The following SRR variants were observed in gnomAD, a reference collection of about 807,000 sequenced individuals.
SRR encodes D-serine ammonia-lyase.
A neutral mutation model predicts 32.7 loss-of-function variants in SRR; 19 were observed. That is an observed-to-expected ratio of 0.58 (90% confidence interval 0.40 to 0.85). SRR has a LOEUF of 0.85. SRR is among the 40% of genes least tolerant of loss of function. The pLI is 0.00. For missense variants in SRR, 373 were observed against 404.7 expected (o/e 0.92, Z 0.67); for synonymous variants, 142 against 140.9 (o/e 1.01, Z -0.06).
chr17:2,315,190 G>A (rs1597263110), intron 1 of SRR, among the ~76,000 whole-genome samples: 2 of 150,076 alleles, frequency 1.3e-5, no homozygotes, highest in Admixed American at 6.6e-5. Context: ...GCAGTGAGCC[G>A]AGATTGTGCC....
chr17:2,323,164 C>T lies in SRR; in HGVS notation c.623C>T (p.Ala208Val), dbSNP rs765422725. 2 of 1,614,204 alleles carry T rather than the reference C, an allele frequency of 1.2e-6. No individual in the cohort carries two copies. The highest frequency in any genetic ancestry group is 1.6e-4 in the Middle Eastern group (1 of 6,062). ...CTGAAACCTAGTGTGAAGGTATATG[C>T]TGCTGAACCCTCAAATGCAGATGAC... Reference protein sequence around the residue: ...KALKPSVKVYAAEPSNADDCY... With the variant: ...KALKPSVKVYVAEPSNADDCY... Residue 208 changes from alanine (A) to valine (V), a missense_variant, in exon 7 of 8, where the codon GCT (alanine) becomes GTT (valine). Coordinates refer to ENST00000344595, the MANE Select transcript of SRR (RefSeq NM_021947.3).
At chr17:2,322,808 G>A (rs545507812) in intron 6 of SRR, 30 of 316,470 alleles carry the variant, frequency 9.5e-5, no homozygotes, top group Admixed American at 4.0e-4. Context: ...GAGCCACTGC[G>A]CCCCACCCCA....
intron 1 of SRR, chr17:2,307,433 A>G (rs1285269312): frequency 6.5e-5 from 86 of 1,331,362 alleles, no homozygotes; most frequent in Middle Eastern, 2.6e-4. Flanking sequence ...TTCAGTGGTC[A>G]TGGTGGCTTT....
upstream of SRR, chr17:2,303,795 G>A (rs999913995): frequency 7.9e-6 from 10 of 1,273,764 alleles, no homozygotes; most frequent in Non-Finnish European, 1.1e-5. Context: ...CAGACGGGCG[G>A]CGCGCGCGCT....
Position 2,315,543 on chromosome 17 carries a change from T to C in SRR, c.-4-14T>C. 2 of 1,601,546 alleles carry C rather than the reference T, an allele frequency of 1.2e-6. No homozygotes were observed. The highest frequency in any genetic ancestry group is 1.7e-6 in the Non-Finnish European group (2 of 1,175,096). ...AGACTTTGCTTTGACCCCTTTCTTA[T>C]TCCTGGGTTTCAGAACCATGTGTGC... On this transcript the variant is annotated splice_polypyrimidine_tract_variant and intron_variant, in intron 1 of 7. Coordinates refer to ENST00000344595, the MANE Select transcript of SRR (RefSeq NM_021947.3).
intron 6 of SRR, 181 bp from the exon 7 acceptor site, chr17:2,322,955 G>GC: frequency 1.7e-6 from 1 of 591,048 alleles, no homozygotes; most frequent in South Asian, 2.0e-5. Flanking sequence ...AGTTGACACT[G>GC]CATTTCACCA....
chr17:2,309,689 C>T (rs2075420012), intron 1 of SRR: 1 of 152,522 alleles, frequency 6.6e-6, no homozygotes, highest in South Asian at 2.1e-4. Context: ...TTTAAATGTA[C>T]CTAATTGATA....
chr17:2,318,110 T>A, intron 3 of SRR, 114 bp downstream of exon 3: 1 of 1,229,740 alleles, frequency 8.1e-7, no homozygotes, highest in Non-Finnish European at 1.1e-6. Flanking sequence ...GAAATCTCTA[T>A]CTGATTGCAA....
At chr17:2,319,842 G>A (rs1247572914) in intron 4 of SRR, among the ~76,000 whole-genome samples, 3 of 137,810 alleles carry the variant, frequency 2.2e-5, no homozygotes, top group Non-Finnish European at 3.1e-5. Context: ...TTTTTGAGGC[G>A]GAGTCTTGCT....
chr17:2,310,607 CT>C (rs2075426845), intron 1 of SRR, among the ~76,000 whole-genome samples: 1 of 151,676 alleles, frequency 6.6e-6, no homozygotes, highest in Non-Finnish European at 1.5e-5. Context: ...GAGACAGAGT[CT>C]CACTCTGTCG....
At position 2,324,456 on chromosome 17, in the gene SRR, C is replaced by T; in HGVS notation, c.*583C>T. 6.2e-7 allele frequency: 1 copy of T among 1,613,174 alleles called. No individual in the cohort carries two copies. The highest frequency in any genetic ancestry group is 8.5e-7 in the Non-Finnish European group (1 of 1,179,624). ...GACTTCCAACCCAACAGTCATTTAG[C>T]AACACTGCAGAAATGCAGACATGGT... On this transcript the variant is annotated 3_prime_UTR_variant, in exon 8 of 8. Coordinates refer to ENST00000344595, the MANE Select transcript of SRR (RefSeq NM_021947.3).
Position 2,323,251 on chromosome 17 carries a change from C to A in SRR, c.710C>A (p.Ala237Glu). The change falls in exon 7 of 8, where the codon GCA (alanine) becomes GAA (glutamate). Residue 237 changes from alanine (A) to glutamate (E), a missense_variant. By Grantham distance (107) the Ala-to-Glu change is moderately radical. Coordinates refer to ENST00000344595, the MANE Select transcript of SRR (RefSeq NM_021947.3). Reference protein sequence around the residue: ...MPNLYPPETIADGVKSSIGLN... With the variant: ...MPNLYPPETIEDGVKSSIGLN... ...AATCTTTATCCTCCAGAAACCATAGCAGATGGTGTCAAATCCAGCATTGGC... is the reference window on the plus strand; with the variant it reads ...AATCTTTATCCTCCAGAAACCATAGAAGATGGTGTCAAATCCAGCATTGGC... 1 of 1,614,216 alleles carries A rather than the reference C, an allele frequency of 6.2e-7. No individual in the cohort carries two copies. The highest frequency in any genetic ancestry group is 8.5e-7 in the Non-Finnish European group (1 of 1,180,036).
intron 1 of SRR, among the ~76,000 whole-genome samples, chr17:2,314,578 G>A (rs1452599946): frequency 1.2e-5 from 1 of 80,054 alleles, no homozygotes; most frequent in Non-Finnish European, 2.5e-5. Flanking sequence ...GCGAGACTCT[G>A]TCTCAAAAAA....
At chr17:2,303,396 G>A (rs1216689010), upstream of SRR, 22 of 1,247,404 alleles carry the variant, frequency 1.8e-5, no homozygotes, top group East Asian at 5.4e-4. Context: ...GAGAAAGAGG[G>A]TGGAGGCAGG....
rs1174028685 is a variant in SRR at position 2,324,396 on chromosome 17, T to C, written c.*523T>C. The C allele has an allele frequency of 6.3e-7, 1 of 1,592,322 alleles. No homozygotes were observed. Among genetic ancestry groups the C allele is most frequent in the Non-Finnish European group, 8.5e-7 (1 of 1,170,482 alleles). The stretch of plus-strand genomic sequence containing the variant: ...GTACCTAGAAAGACATCAGAACAAG[T>C]CGGTCAAATTAAAAGTAGAAAATTT... On this transcript the variant is annotated 3_prime_UTR_variant, in exon 8 of 8. Transcript: ENST00000344595.
At chr17:2,310,208 C>CTT (rs1378748122) in intron 1 of SRR, among the ~76,000 whole-genome samples, 1 of 152,102 alleles carries the variant, frequency 6.6e-6, no homozygotes, top group Non-Finnish European at 1.5e-5. Context: ...CAAAATATAT[C>CTT]TTATTTTTGA....
intron 3 of SRR, among the ~76,000 whole-genome samples, chr17:2,318,493 C>T (rs1447951424): frequency 5.0e-4 from 68 of 137,074 alleles, no homozygotes; most frequent in Non-Finnish European, 4.0e-4. Flanking sequence ...GAGACGGAGT[C>T]TTGCACTGTC....
intron 1 of SRR, among the ~76,000 whole-genome samples, chr17:2,308,265 A>G (rs1257702705): frequency 1.3e-5 from 2 of 152,180 alleles, no homozygotes; most frequent in Non-Finnish European, 2.9e-5. Context: ...GCATTCAACA[A>G]ATATAGAAGA....
intron 1 of SRR, among the ~76,000 whole-genome samples, chr17:2,314,562 G>C (rs1283970473): frequency 7.2e-6 from 1 of 139,600 alleles, no homozygotes; most frequent in Non-Finnish European, 1.5e-5. Context: ...CAGCCTGGGT[G>C]ACAGAGCGAG....
Sources: allele counts gnomAD v4.1 joint callset (sites outside exome capture counted in the v4.1 genomes callset), GRCh38; gene constraint gnomAD v4.1.1; transcripts MANE v1.5; gene names NCBI Gene and HGNC (gene_info 2026-07-23, HGNC 2026-07-21).